The following TMX3 variants were observed in gnomAD, a reference collection of about 807,000 sequenced individuals.
The protein encoded by TMX3 is protein disulfide-isomerase TMX3.
TMX3 carries 40 observed loss-of-function variants against 64.4 expected under a neutral mutation model. The observed-to-expected ratio is 0.62, with a 90% CI of 0.48 to 0.81. TMX3 has a LOEUF of 0.81. Ranked by LOEUF, TMX3 falls within the 30% of genes least tolerant of loss-of-function variation. The probability of loss-of-function intolerance (pLI) is 0.00; values close to 1 mark genes in which losing one functional copy is unlikely to be tolerated. For missense variants in TMX3, 497 were observed against 534.5 expected, an observed-to-expected ratio of 0.93 and a Z score of 0.69; for synonymous variants, 189 against 175.7, an observed-to-expected ratio of 1.08 and a Z score of -0.60.
At chr18:68,697,039 T>C (rs1915156285) in intron 8 of TMX3, 187 bp downstream of exon 8, 1 of 417,150 alleles carries the variant, frequency 2.4e-6, no homozygotes, top group East Asian at 4.1e-5. Flanking sequence ...TATTTATTAA[T>C]AAAAAGCAAT....
rs1185831437 is a variant in TMX3, at chr18:68,675,793, T to C, written c.*1140A>G. On this transcript the variant is annotated 3_prime_UTR_variant, in exon 16 of 16. Transcript: ENST00000299608. ...TGGAAAGAATTCCTGTATTAGTTTA[T>C]AGAAGATGAGAGGTCACTTGACGAA... The C allele has an allele frequency of 6.6e-6, 1 of 152,180 alleles. No individual in the cohort carries two copies. The highest frequency in any genetic ancestry group is 1.5e-5 in the Non-Finnish European group (1 of 68,026). 9.4% of individuals were successfully genotyped at this position (152,180 alleles called of 1,614,324 possible).
Position 68,691,294 on chromosome 18 carries a change from C to G in TMX3, c.637+1G>C. 6.3e-7 allele frequency: 1 copy of G among 1,576,142 alleles called. No homozygotes were observed. The highest frequency in any genetic ancestry group is 8.6e-7 in the Non-Finnish European group (1 of 1,156,210). On this transcript the variant is annotated splice_donor_variant, in intron 9 of 15. Transcript: ENST00000299608. LOFTEE classifies it high-confidence loss of function. ...ACATGAGTTAAAGATTTGGAACTTA[C>G]CATCATAAACAAAGTAAGTTTCATC...
rs746001450 is a variant in TMX3, at chr18:68,686,738, T to G, written c.736+929A>C. On this transcript the variant is annotated intron_variant, in intron 10 of 15. Coordinates refer to ENST00000299608, the MANE Select transcript of TMX3 (RefSeq NM_019022.5). ...AAAAAATCAGAAAGTAAAACCACAGTCTTTGACACTGTCCCCGGCAACTTC... is the reference window on the plus strand; with the variant it reads ...AAAAAATCAGAAAGTAAAACCACAGGCTTTGACACTGTCCCCGGCAACTTC... The G allele has an allele frequency of 1.8e-3, 1,793 of 983,592 alleles. 3 individuals carry two copies. The highest frequency in any genetic ancestry group is 2.0e-3 in the Non-Finnish European group (1,700 of 829,646). The allele number at this position is 983,592 out of a possible 1,614,324, so 60.9% of individuals were successfully genotyped here. A position where few individuals can be genotyped will look rare whatever the true frequency, so the allele number is the denominator to read the frequency against.
chr18:68,677,035 T>C lies in TMX3; in HGVS notation c.1263A>G (p.Glu421=), dbSNP rs777597685. 6.2e-7 allele frequency: 1 copy of C among 1,613,814 alleles called. No homozygotes were observed. Among genetic ancestry groups the C allele is most frequent in the Non-Finnish European group, 8.5e-7 (1 of 1,179,804 alleles). ...GCTGTTCTTTGCTCTCTTCTATCTGTTCTTGGTTTTCATTTTCACTTTTAG... is the reference window on the plus strand; with the variant it reads ...GCTGTTCTTTGCTCTCTTCTATCTGCTCTTGGTTTTCATTTTCACTTTTAG... ...EVSKSENENQ[E]QIEESKEQQE... is the part of the protein sequence containing the mutation. Residue 421 remains glutamate (E), a synonymous_variant, in exon 16 of 16, where the codon GAA becomes GAG. Transcript: ENST00000299608.
chr18:68,696,296 CCT>C (rs368790588), intron 8 of TMX3, among the ~76,000 whole-genome samples: 23 of 152,210 alleles, frequency 1.5e-4, no homozygotes, highest in African/African-American at 3.9e-4. Context: ...GCCTCAGCCC[CCT>C]GAGTAGCTGG....
In TMX3 at chr18:68,715,049, T is replaced by C. The variant is rs2031830463; in HGVS notation, c.-68A>G. 4 of 1,547,054 alleles carry C rather than the reference T, an allele frequency of 2.6e-6. No homozygotes were observed. The highest frequency in any genetic ancestry group is 4.9e-5 in the East Asian group (2 of 40,526). ...GATAAAGACACTGGGGTCCGCCGCC[T>C]GCCCGCCCGGAAAGGGAAACGGAGC... On this transcript the variant is annotated 5_prime_UTR_variant, in exon 1 of 16. Coordinates refer to ENST00000299608, the MANE Select transcript of TMX3 (RefSeq NM_019022.5).
intron 2 of TMX3, 99 bp downstream of exon 2, chr18:68,713,747 A>C: frequency 1.8e-6 from 1 of 563,128 alleles, no homozygotes; most frequent in Non-Finnish European, 2.8e-6. Flanking sequence ...GATATATAAA[A>C]ATTGGTTCCA....
At chr18:68,713,936 T>A (rs2031600302) in intron 1 of TMX3, 36 bp from the exon 2 acceptor site, 1 of 1,449,770 alleles carries the variant, frequency 6.9e-7, no homozygotes, top group Admixed American at 2.0e-5. Context: ...CAATAAATGC[T>A]GATTATTTGG....
At chr18:68,686,780 C>T in intron 10 of TMX3, 1 of 984,628 alleles carries the variant, frequency 1.0e-6, no homozygotes, top group Non-Finnish European at 1.2e-6. Flanking sequence ...TGAGCTAATA[C>T]ACAGCTCCTT....
intron 8 of TMX3, among the ~76,000 whole-genome samples, chr18:68,695,177 G>A (rs1478879374): frequency 6.6e-6 from 1 of 152,160 alleles, no homozygotes; most frequent in Non-Finnish European, 1.5e-5. Flanking sequence ...CAACCTCCAT[G>A]TGGACACACA....
At chr18:68,679,610 C>T (rs1315983802) in intron 14 of TMX3, 79 bp from the exon 15 acceptor site, 7 of 1,235,818 alleles carry the variant, frequency 5.7e-6, no homozygotes, top group Non-Finnish European at 8.0e-6. Flanking sequence ...CTTACAATTG[C>T]AGGCCAAATG....
intron 10 of TMX3, chr18:68,686,859 C>G (rs768615883): frequency 1.4e-5 from 14 of 985,094 alleles, no homozygotes; most frequent in Non-Finnish European, 1.7e-5. Flanking sequence ...AGGAACAGAA[C>G]AGAAATATCC....
intron 1 of TMX3, 97 bp downstream of exon 1, chr18:68,714,839 C>A (rs2031777371): frequency 6.7e-7 from 1 of 1,500,394 alleles, no homozygotes; most frequent in Non-Finnish European, 9.0e-7. Context: ...TCCACGAACC[C>A]CGCAGGCCTC....
rs543978748 is a variant in TMX3, at chr18:68,681,735, T to G, written c.906-625A>C. ...CAAATGAAGGCATTTGCTACATCTA[T>G]GATACTAAGCAAAGCTAGAGAAAAC... is the stretch of plus-strand genomic sequence containing the variant. On this transcript the variant is annotated intron_variant, in intron 13 of 15. Coordinates refer to ENST00000299608, the MANE Select transcript of TMX3 (RefSeq NM_019022.5). Among the ~76,000 whole-genome samples the G allele has an allele frequency of 3.9e-5, 6 of 152,318 alleles. No homozygotes were observed. In the South Asian group the frequency reaches 1.2e-3, roughly 32 times the overall value.
chr18:68,692,987 G>C (rs1039129317), intron 8 of TMX3, among the ~76,000 whole-genome samples: 4 of 152,296 alleles, frequency 2.6e-5, no homozygotes, highest in Non-Finnish European at 4.4e-5. Flanking sequence ...TGCTTGCAAA[G>C]CTTTGTAGAT....
chr18:68,679,593 ACAT>A, intron 14 of TMX3, 62 bp from the exon 15 acceptor site: 1 of 1,420,312 alleles, frequency 7.0e-7, no homozygotes, highest in Non-Finnish European at 9.7e-7. Context: ...ACTTGGTGTT[ACAT>A]AACCTTACAA....
At chr18:68,685,789 AT>A (rs1237997488) in intron 10 of TMX3, among the ~76,000 whole-genome samples, 2 of 152,246 alleles carry the variant, frequency 1.3e-5, no homozygotes, top group Admixed American at 6.5e-5. Flanking sequence ...TATAAAAAAA[AT>A]TACAGCATAA....
At chr18:68,712,956 C>A (rs2031435545) in intron 2 of TMX3, among the ~76,000 whole-genome samples, 1 of 145,578 alleles carries the variant, frequency 6.9e-6, no homozygotes, top group Non-Finnish European at 1.5e-5. Flanking sequence ...CTGAAACTAA[C>A]AATCACAGCT....
intron 1 of TMX3, chr18:68,714,206 T>C (rs1398737590): frequency 5.3e-6 from 1 of 188,372 alleles, no homozygotes; most frequent in African/African-American, 2.3e-5. Context: ...ATCCTATCTT[T>C]TTGGAATACA....
Sources: allele counts gnomAD v4.1 joint callset (sites outside exome capture counted in the v4.1 genomes callset), GRCh38; gene constraint gnomAD v4.1.1; transcripts MANE v1.5; gene names NCBI Gene and HGNC (gene_info 2026-07-23, HGNC 2026-07-21).